WDR72: variants seen among roughly 807,000 people sequenced by gnomAD.
The protein encoded by WDR72 is WD repeat-containing protein 72.
WDR72 carries 120 observed loss-of-function variants against 124.2 expected under a neutral mutation model. The ratio of observed to expected loss-of-function variants is 0.97; its 90% CI spans 0.83 to 1.12. The LOEUF (loss-of-function observed/expected upper bound fraction) is 1.12, where lower values mean the gene tolerates loss of function less well. WDR72 is among the 50% of genes most tolerant of loss of function. The pLI, the probability that WDR72 is intolerant of heterozygous loss-of-function variation, is 0.00. For synonymous variants in WDR72, 452 were observed against 441.7 expected (o/e 1.02, Z -0.29); for missense variants, 1,387 against 1,278.8 (o/e 1.08, Z -1.29).
At chr15:53,716,770 G>GTGCTGCA in intron 3 of WDR72, 85 bp from the exon 4 acceptor site, 40 of 841,190 alleles carry the variant, frequency 4.8e-5, no homozygotes, top group Non-Finnish European at 6.7e-5. Context: ...TTTTTCTTTA[G>GTGCTGCA]CAGCCTGATC....
intron 13 of WDR72, among the ~76,000 whole-genome samples, chr15:53,692,188 C>T (rs574243232): frequency 6.6e-6 from 1 of 152,238 alleles, no homozygotes. Context: ...ATTCCATATG[C>T]CACTTTCTTA....
chr15:53,529,669 T>C (rs570190515), intron 18 of WDR72, among the ~76,000 whole-genome samples: 26 of 152,084 alleles, frequency 1.7e-4, no homozygotes, highest in African/African-American at 6.3e-4. Context: ...TATGGAGCAG[T>C]ATGTGTTCCT....
At chr15:53,746,971 C>A (rs1013850980) in intron 1 of WDR72, among the ~76,000 whole-genome samples, 1 of 152,128 alleles carries the variant, frequency 6.6e-6, no homozygotes, top group African/African-American at 2.4e-5. Context: ...CAAAGTTGAG[C>A]TTTAGGAAGG....
intron 19 of WDR72, among the ~76,000 whole-genome samples, chr15:53,521,531 T>A (rs555146197): frequency 6.6e-6 from 1 of 152,140 alleles, no homozygotes; most frequent in African/African-American, 2.4e-5. Flanking sequence ...CGGTACTCAC[T>A]TTTTGAGTTA....
intron 13 of WDR72, among the ~76,000 whole-genome samples, chr15:53,697,958 G>A (rs1311401921): frequency 6.6e-6 from 1 of 152,068 alleles, no homozygotes; most frequent in East Asian, 1.9e-4. Context: ...ACAGGTGCCC[G>A]CCACCATGCC....
chr15:53,689,765 A>G (rs1292662256), intron 13 of WDR72, among the ~76,000 whole-genome samples: 1 of 152,034 alleles, frequency 6.6e-6, no homozygotes, highest in Non-Finnish European at 1.5e-5. Flanking sequence ...ACACACGCAC[A>G]CGTATGTTTA....
chr15:53,753,793 G>A (rs999209285), intron 1 of WDR72, among the ~76,000 whole-genome samples: 1 of 152,170 alleles, frequency 6.6e-6, no homozygotes, highest in African/African-American at 2.4e-5. Flanking sequence ...AATGCCAACT[G>A]TGTTCCAGAC....
Position 53,615,631 on chromosome 15 carries a change from C to T in WDR72, c.2575G>A (p.Gly859Arg). 6.2e-7 allele frequency: 1 copy of T among 1,612,414 alleles called. No homozygotes were observed. Among genetic ancestry groups the T allele is most frequent in the Non-Finnish European group, 8.5e-7 (1 of 1,179,062 alleles). The change falls in exon 15 of 20, where the codon GGA becomes AGA. Residue 859 changes from glycine to arginine, a missense_variant. By Grantham distance (125) the Gly-to-Arg change is moderately radical. Coordinates refer to ENST00000360509, the MANE Select transcript of WDR72 (RefSeq NM_182758.4). ...ACTTTCCTGGAAAATAAATTTACTC[C>T]TGAATAGTCTTTTATCATTCCACTA... is the stretch of plus-strand genomic sequence containing the variant. ...CNSGMIKDYS[G>R]VNLFSRKVLD...
At chr15:53,740,982 C>G (rs2018493957) in intron 1 of WDR72, among the ~76,000 whole-genome samples, 1 of 152,208 alleles carries the variant, frequency 6.6e-6, no homozygotes, top group Admixed American at 6.5e-5. Context: ...TCTCATACTT[C>G]TGGATAATCC....
intron 7 of WDR72, 68 bp from the exon 8 acceptor site, chr15:53,711,549 T>C (rs2017539853): frequency 3.7e-5 from 55 of 1,500,896 alleles, no homozygotes; most frequent in Middle Eastern, 3.4e-4. Flanking sequence ...TGAATATAAA[T>C]TATGATAGTA....
intron 1 of WDR72, among the ~76,000 whole-genome samples, chr15:53,758,813 T>C (rs1395999629): frequency 8.0e-6 from 1 of 125,552 alleles, no homozygotes; most frequent in African/African-American, 2.9e-5. Flanking sequence ...AAACGTACCA[T>C]ACACCTACGT....
chr15:53,548,843 A>T (rs1340053160), intron 18 of WDR72, among the ~76,000 whole-genome samples: 1 of 152,206 alleles, frequency 6.6e-6, no homozygotes, highest in African/African-American at 2.4e-5. Context: ...TTCAGAGTCA[A>T]CAGAGAGAGA....
intron 14 of WDR72, among the ~76,000 whole-genome samples, chr15:53,634,611 G>A (rs910076782): frequency 1.5e-4 from 23 of 152,206 alleles, no homozygotes; most frequent in African/African-American, 5.3e-4. Flanking sequence ...TGGACAACTT[G>A]ATCTAACCAA....
intron 14 of WDR72, among the ~76,000 whole-genome samples, chr15:53,643,745 C>T (rs768319379): frequency 2.3e-5 from 3 of 131,022 alleles, no homozygotes; most frequent in Admixed American, 6.9e-5. Context: ...TGTGTGTGTG[C>T]GTGTGTGTGT....
intron 17 of WDR72, among the ~76,000 whole-genome samples, chr15:53,609,216 A>G (rs748802086): frequency 5.3e-5 from 8 of 152,164 alleles, no homozygotes; most frequent in Admixed American, 2.0e-4. Flanking sequence ...AATGTATGGC[A>G]TATTTTGAAA....
At chr15:53,705,871 A>G (rs535109638) in intron 10 of WDR72, 56 bp downstream of exon 10, 1 of 1,607,088 alleles carries the variant, frequency 6.2e-7, no homozygotes, top group South Asian at 1.1e-5. Context: ...AGAACAATGA[A>G]TTAATTACAA....
intron 18 of WDR72, among the ~76,000 whole-genome samples, chr15:53,541,365 A>AC (rs538097852): frequency 2.0e-5 from 3 of 151,696 alleles, no homozygotes; most frequent in East Asian, 1.9e-4. Context: ...ACTGGGAGGC[A>AC]CCCCCCAGCA....
chr15:53,732,208 T>C (rs1263640008), intron 2 of WDR72, among the ~76,000 whole-genome samples: 2 of 152,180 alleles, frequency 1.3e-5, no homozygotes, highest in Non-Finnish European at 2.9e-5. Flanking sequence ...TGTTAATTAA[T>C]TACACTATAA....
chr15:53,760,701 A>G (rs2019046028), upstream of WDR72, among the ~76,000 whole-genome samples: 1 of 152,210 alleles, frequency 6.6e-6, no homozygotes, highest in Admixed American at 6.5e-5. Context: ...TATACCTAGC[A>G]ATCGGGTTGC....
Sources: gnomAD v4.1 joint callset for allele counts (sites outside exome capture counted in the v4.1 genomes callset) on GRCh38, gnomAD v4.1.1 for gene constraint, MANE v1.5 for transcripts, NCBI Gene and HGNC (gene_info 2026-07-23, HGNC 2026-07-21) for gene names.